Variants in OSBPL6 observed in about 807,000 individuals in gnomAD.
The protein encoded by OSBPL6 is oxysterol binding protein like 6, also known as oxysterol-binding protein-related protein 6.
A neutral mutation model predicts 125.8 loss-of-function variants in OSBPL6; 49 were observed. That is an observed-to-expected ratio of 0.39 (90% CI 0.31 to 0.49). OSBPL6 has a LOEUF of 0.49. Ranked by LOEUF, OSBPL6 falls within the 20% of genes least tolerant of loss-of-function variation. The probability of loss-of-function intolerance (pLI) is 0.88; values close to 1 mark genes in which losing one functional copy is unlikely to be tolerated. For synonymous variants in OSBPL6, 394 were observed against 391.8 expected (o/e 1.01, Z -0.07); for missense variants, 986 against 1,135.4 (o/e 0.87, Z 1.89).
At chr2:178,318,757 A>G (rs1325506196) in intron 3 of OSBPL6, among the ~76,000 whole-genome samples, 2 of 152,192 alleles carry the variant, frequency 1.3e-5, no homozygotes, top group Non-Finnish European at 2.9e-5. Flanking sequence ...GGGTAACGTG[A>G]TGGTCATGGA....
At chr2:178,391,336 C>T (rs1350150420) in intron 22 of OSBPL6, 119 bp downstream of exon 22, 27 of 1,058,374 alleles carry the variant, frequency 2.6e-5, no homozygotes, top group Admixed American at 6.1e-5. Flanking sequence ...AGATTAAAAG[C>T]GTAGATGCTT....
chr2:178,314,149 CAT>C (rs1312810575), intron 3 of OSBPL6, among the ~76,000 whole-genome samples: 1 of 152,206 alleles, frequency 6.6e-6, no homozygotes, highest in East Asian at 1.9e-4. Context: ...TACTTTGAAA[CAT>C]AGTGTCAAAT....
At chr2:178,253,742 G>C (rs1037784293) in intron 1 of OSBPL6, among the ~76,000 whole-genome samples, 12 of 152,192 alleles carry the variant, frequency 7.9e-5, no homozygotes, top group Admixed American at 7.2e-4. Context: ...GGGAGTTTGA[G>C]TTGCCCAGTT....
chr2:178,359,558 A>G (rs1457843347), intron 12 of OSBPL6, among the ~76,000 whole-genome samples: 1 of 152,212 alleles, frequency 6.6e-6, no homozygotes. Flanking sequence ...CTGGGCATAT[A>G]TCTACAGGAA....
chr2:178,360,559 T>A (rs1387438976), intron 12 of OSBPL6, among the ~76,000 whole-genome samples: 1 of 152,170 alleles, frequency 6.6e-6, no homozygotes, highest in Non-Finnish European at 1.5e-5. Context: ...ATACCTTAAA[T>A]ACATACACAA....
At chr2:178,315,370 C>T (rs1687643652) in intron 3 of OSBPL6, among the ~76,000 whole-genome samples, 1 of 152,096 alleles carries the variant, frequency 6.6e-6, no homozygotes, top group Admixed American at 6.6e-5. Context: ...ATGTGTTTTC[C>T]TAAAGGTCAT....
intron 11 of OSBPL6, among the ~76,000 whole-genome samples, chr2:178,342,110 A>C (rs1180734394): frequency 6.6e-6 from 1 of 152,168 alleles, no homozygotes; most frequent in Non-Finnish European, 1.5e-5. Context: ...AATGAGTCCA[A>C]GTATTTGTTT....
chr2:178,258,851 T>C (rs900163907), intron 1 of OSBPL6, among the ~76,000 whole-genome samples: 1 of 152,200 alleles, frequency 6.6e-6, no homozygotes, highest in African/African-American at 2.4e-5. Context: ...GTGTGTGGCT[T>C]CTTTTATTCA....
At chr2:178,298,747 T>C (rs1294002054) in intron 2 of OSBPL6, among the ~76,000 whole-genome samples, 1 of 149,580 alleles carries the variant, frequency 6.7e-6, no homozygotes, top group East Asian at 2.0e-4. Flanking sequence ...AGGACCTACA[T>C]CATTTTCTAT....
rs1315123578 is a variant in OSBPL6, at chr2:178,399,950, A to C, written c.*4391A>C. On this transcript the variant is annotated 3_prime_UTR_variant, in exon 25 of 25. Coordinates refer to ENST00000190611, the MANE Select transcript of OSBPL6 (RefSeq NM_032523.4). ...CAAATTGGTAAGAAAAAAACATAAA[A>C]CAAAAATGTTCTTATTTTCTGCAAT... 1 of 152,216 alleles carries C rather than the reference A, an allele frequency of 6.6e-6. No individual in the cohort carries two copies. Among genetic ancestry groups the C allele is most frequent in the African/African-American group, 2.4e-5 (1 of 41,464 alleles). 9.4% of individuals were successfully genotyped at this position (152,216 alleles called of 1,614,324 possible).
At chr2:178,351,430 T>C (rs1440519554) in intron 12 of OSBPL6, among the ~76,000 whole-genome samples, 1 of 152,074 alleles carries the variant, frequency 6.6e-6, no homozygotes, top group Admixed American at 6.5e-5. Context: ...AAAACCCTGT[T>C]ATTCTATACA....
Position 178,303,056 on chromosome 2 carries a change from C to G in OSBPL6, c.-155-2974C>G, listed in dbSNP as rs887081501. Among the ~76,000 whole-genome samples the G allele has an allele frequency of 3.9e-5, 6 of 152,216 alleles. 1 individual carries two copies. The highest frequency in any genetic ancestry group is 1.3e-4 in the Admixed American group (2 of 15,278). On this transcript the variant is annotated intron_variant, in intron 2 of 24. Coordinates refer to ENST00000190611, the MANE Select transcript of OSBPL6 (RefSeq NM_032523.4). Reference sequence around the variant, plus strand: ...GAGCAGTGTCTGTGCATTCTGTTTGCTGGCACCACAGCTTGGAATCAGAAA... The same window carrying G: ...GAGCAGTGTCTGTGCATTCTGTTTGGTGGCACCACAGCTTGGAATCAGAAA...
At chr2:178,219,763 G>GA (rs1202296457) in intron 1 of OSBPL6, among the ~76,000 whole-genome samples, 3 of 152,158 alleles carry the variant, frequency 2.0e-5, no homozygotes, top group Admixed American at 1.3e-4. Flanking sequence ...TCCAGTGGTA[G>GA]ACCTCACATG....
chr2:178,253,630 A>G (rs1289937209), intron 1 of OSBPL6, among the ~76,000 whole-genome samples: 1 of 152,218 alleles, frequency 6.6e-6, no homozygotes, highest in South Asian at 2.1e-4. Flanking sequence ...TCCACATGCA[A>G]TATATTCTTA....
intron 1 of OSBPL6, among the ~76,000 whole-genome samples, chr2:178,264,380 C>G (rs1215836932): frequency 6.6e-6 from 1 of 152,126 alleles, no homozygotes; most frequent in Non-Finnish European, 1.5e-5. Flanking sequence ...TTAGGCACTG[C>G]AGCACCTTGC....
rs781349786 is a variant in OSBPL6 at position 178,402,655 on chromosome 2, G to T, written c.*7096G>T. 1.3e-5 allele frequency: 2 copies of T among 152,176 alleles called. No individual in the cohort carries two copies. The highest frequency in any genetic ancestry group is 2.9e-5 in the Non-Finnish European group (2 of 68,016). 9.4% of individuals were successfully genotyped at this position (152,176 alleles called of 1,614,324 possible). A position where few individuals can be genotyped will look rare whatever the true frequency, so the allele number is the denominator to read the frequency against. On this transcript the variant is annotated 3_prime_UTR_variant, in exon 25 of 25. Coordinates refer to ENST00000190611, the MANE Select transcript of OSBPL6 (RefSeq NM_032523.4). ...GACAGTAGTTATGTACTGTTCGTTT[G>T]CATACGGTCATTTTGAGATAGAAAA... is the stretch of plus-strand genomic sequence containing the variant.
chr2:178,344,536 G>A (rs1301946181), intron 11 of OSBPL6, among the ~76,000 whole-genome samples: 2 of 152,126 alleles, frequency 1.3e-5, no homozygotes, highest in African/African-American at 2.4e-5. Context: ...AGTCGAACAC[G>A]GGTATTCCTT....
chr2:178,251,672 G>T (rs931664223), intron 1 of OSBPL6, among the ~76,000 whole-genome samples: 9 of 152,124 alleles, frequency 5.9e-5, no homozygotes, highest in Non-Finnish European at 1.2e-4. Flanking sequence ...TTCTGATCAC[G>T]CACTCTTCCT....
chr2:178,261,713 T>C (rs1018022720), intron 1 of OSBPL6, among the ~76,000 whole-genome samples: 7 of 152,340 alleles, frequency 4.6e-5, no homozygotes, highest in Admixed American at 3.3e-4. Context: ...GCAAAGTGTC[T>C]TATGTGAAGT....
Sources: gnomAD v4.1 joint callset for allele counts (sites outside exome capture counted in the v4.1 genomes callset) on GRCh38, gnomAD v4.1.1 for gene constraint, MANE v1.5 for transcripts, NCBI Gene and HGNC (gene_info 2026-07-23, HGNC 2026-07-21) for gene names.